The following PRKCI variants were observed in gnomAD, a reference collection of about 807,000 sequenced individuals.
PRKCI encodes the protein protein kinase C iota.
PRKCI carries 43 observed loss-of-function variants against 84.0 expected under a neutral mutation model. The ratio of observed to expected loss-of-function variants is 0.51; its 90% CI spans 0.40 to 0.66. The LOEUF is 0.66. Among genes scored for constraint, PRKCI ranks in the 30% least tolerant of loss-of-function variants. The probability of loss-of-function intolerance (pLI) is 0.00; values close to 1 mark genes in which losing one functional copy is unlikely to be tolerated. For synonymous variants in PRKCI, 216 were observed against 234.4 expected (o/e 0.92, Z 0.72); for missense variants, 459 against 745.6 (o/e 0.62, Z 4.48).
At chr3:170,259,898 T>G in intron 2 of PRKCI, 71 bp from the exon 3 acceptor site, 29 of 785,440 alleles carry the variant, frequency 3.7e-5, no homozygotes, top group Non-Finnish European at 5.6e-5. Flanking sequence ...ATTTACATTA[T>G]GAAATTTGTT....
rs1056361538 is a variant in PRKCI at position 170,305,860 on chromosome 3, A to T, written c.*2733A>T. On this transcript the variant is annotated 3_prime_UTR_variant, in exon 18 of 18. Coordinates refer to ENST00000295797, the MANE Select transcript of PRKCI (RefSeq NM_002740.6). Reference sequence around the variant, plus strand: ...TGTTCAGTGCCGGTACATTTACTTAAATCTGTTTTTATTTTTGTCATGTAG... The same window carrying T: ...TGTTCAGTGCCGGTACATTTACTTATATCTGTTTTTATTTTTGTCATGTAG... 2.6e-5 allele frequency: 4 copies of T among 151,410 alleles called. No homozygotes were observed. The highest frequency in any genetic ancestry group is 9.7e-5 in the African/African-American group (4 of 41,242). 9.4% of individuals were successfully genotyped at this position (151,410 alleles called of 1,614,324 possible).
chr3:170,255,339 T>C (rs1034962176), intron 2 of PRKCI, among the ~76,000 whole-genome samples: 2 of 152,058 alleles, frequency 1.3e-5, no homozygotes, highest in Non-Finnish European at 2.9e-5. Context: ...GGATTACAGG[T>C]GTGAGCCACC....
Position 170,222,508 on chromosome 3 carries a change from T to C in PRKCI, c.-162T>C. The C allele has an allele frequency of 1.7e-6, 1 of 577,458 alleles. No homozygotes were observed. Among genetic ancestry groups the C allele is most frequent in the South Asian group, 3.3e-5 (1 of 30,584 alleles). The allele number at this position is 577,458 out of a possible 1,614,324, so 35.8% of individuals were successfully genotyped here. On this transcript the variant is annotated 5_prime_UTR_variant, in exon 1 of 18. Transcript: ENST00000295797. ...GGAGGAGCCGCGCGGTTCCGGCTGCTCCGGCGAGGCGACCCTTGGGTCGGC... is the reference window on the plus strand; with the variant it reads ...GGAGGAGCCGCGCGGTTCCGGCTGCCCCGGCGAGGCGACCCTTGGGTCGGC...
intron 2 of PRKCI, chr3:170,244,826 C>T (rs1376803805): frequency 1.3e-5 from 2 of 152,294 alleles, no homozygotes; most frequent in Admixed American, 1.3e-4. Flanking sequence ...TGATCACAGC[C>T]AGTTACAGAT....
intron 13 of PRKCI, among the ~76,000 whole-genome samples, chr3:170,292,823 C>G (rs796444014): frequency 2.0e-5 from 3 of 151,744 alleles, no homozygotes; most frequent in Non-Finnish European, 4.4e-5. Context: ...AGGCGGATCA[C>G]GAGGTCAGGA....
intron 2 of PRKCI, among the ~76,000 whole-genome samples, chr3:170,252,214 A>AC (rs1312625497): frequency 1.3e-5 from 1 of 79,286 alleles, no homozygotes; most frequent in Non-Finnish European, 2.4e-5. Flanking sequence ...ACTCCGTCTC[A>AC]AAAAAAAAAA....
At chr3:170,248,006 A>G (rs1427631670) in intron 2 of PRKCI, among the ~76,000 whole-genome samples, 1 of 152,154 alleles carries the variant, frequency 6.6e-6, no homozygotes, top group Non-Finnish European at 1.5e-5. Context: ...TTCTGACTGC[A>G]TATCCAGAGG....
chr3:170,298,821 G>A (rs751853280), intron 16 of PRKCI, among the ~76,000 whole-genome samples, 174 bp from the exon 17 acceptor site: 8 of 152,224 alleles, frequency 5.3e-5, no homozygotes, highest in African/African-American at 7.2e-5. Context: ...GATTACAGGC[G>A]TGAGCCGCCA....
chr3:170,271,041 G>GGA (rs1733992059), intron 6 of PRKCI, among the ~76,000 whole-genome samples: 1 of 151,454 alleles, frequency 6.6e-6, no homozygotes, highest in African/African-American at 2.4e-5. Flanking sequence ...GTTTGTTATC[G>GGA]AAAAAAATAC....
At chr3:170,274,008 A>G (rs770110963) in intron 7 of PRKCI, among the ~76,000 whole-genome samples, 3 of 151,944 alleles carry the variant, frequency 2.0e-5, no homozygotes, top group East Asian at 1.9e-4. Context: ...ACAAATGACT[A>G]TTTTTTCTAG....
At chr3:170,226,037 C>T (rs1006756490) in intron 1 of PRKCI, among the ~76,000 whole-genome samples, 3 of 151,962 alleles carry the variant, frequency 2.0e-5, no homozygotes, top group Non-Finnish European at 4.4e-5. Context: ...GGCTGCCTCC[C>T]GAGTAGGTGG....
At chr3:170,242,367 G>T (rs895194348) in intron 2 of PRKCI, among the ~76,000 whole-genome samples, 19 of 151,724 alleles carry the variant, frequency 1.3e-4, no homozygotes, top group African/African-American at 4.4e-4. Context: ...GCTTAGCCCA[G>T]GAGGTTGAGG....
At chr3:170,259,386 C>G (rs544445477) in intron 2 of PRKCI, among the ~76,000 whole-genome samples, 9 of 152,098 alleles carry the variant, frequency 5.9e-5, no homozygotes, top group African/African-American at 1.7e-4. Flanking sequence ...AAAAGAAAAC[C>G]AAAGAACAAA....
rs1734877469 is a variant in PRKCI at position 170,303,593 on chromosome 3, T to C, written c.*466T>C. On this transcript the variant is annotated 3_prime_UTR_variant, in exon 18 of 18. Transcript: ENST00000295797. The stretch of plus-strand genomic sequence containing the variant: ...ATTACCTATTAGTTTTGGAGTTCTT[T>C]ATGTTTAAAAATTCAGGTGTAAATT... The C allele has an allele frequency of 8.8e-6, 2 of 227,124 alleles. No homozygotes were observed. The highest frequency in any genetic ancestry group is 1.3e-4 in the East Asian group (2 of 15,610). The allele number at this position is 227,124 out of a possible 1,614,324, so 14.1% of individuals were successfully genotyped here.
intron 2 of PRKCI, among the ~76,000 whole-genome samples, chr3:170,250,272 GAAAAA>G (rs35474071): frequency 9.6e-6 from 1 of 104,572 alleles, no homozygotes; most frequent in Non-Finnish European, 2.0e-5. Flanking sequence ...GACTTGGTCT[GAAAAA>G]AAAAAAAAGC....
intron 17 of PRKCI, among the ~76,000 whole-genome samples, chr3:170,302,456 T>C (rs1451177477): frequency 6.6e-6 from 1 of 152,168 alleles, no homozygotes; most frequent in African/African-American, 2.4e-5. Flanking sequence ...TTGTGCTTCT[T>C]AGTATGGCAT....
chr3:170,222,626 C>T lies in PRKCI; in HGVS notation c.-44C>T. The stretch of plus-strand genomic sequence containing the variant: ...GTCCCCCACGGCGCCCGAAGCGCCC[C>T]CCCGCACCCCCGGCCTCCAGCGTTG... On this transcript the variant is annotated 5_prime_UTR_variant, in exon 1 of 18. Coordinates refer to ENST00000295797, the MANE Select transcript of PRKCI (RefSeq NM_002740.6). 3 of 1,498,008 alleles carry T rather than the reference C, an allele frequency of 2.0e-6. No individual in the cohort carries two copies. Among genetic ancestry groups the T allele is most frequent in the Non-Finnish European group, 2.7e-6 (3 of 1,117,260 alleles). 92.8% of individuals were successfully genotyped at this position (1,498,008 alleles called of 1,614,324 possible).
chr3:170,285,934 T>A lies in PRKCI; in HGVS notation c.1203+1338T>A, dbSNP rs975381587. Reference sequence around the variant, plus strand: ...AATTTTAATTTTTTTTTTTTTTTTTTAATTTTTGAGACAGAGTTTTGCTCT... The same window carrying A: ...AATTTTAATTTTTTTTTTTTTTTTTAAATTTTTGAGACAGAGTTTTGCTCT... On this transcript the variant is annotated intron_variant, in intron 12 of 17. Coordinates refer to ENST00000295797, the MANE Select transcript of PRKCI (RefSeq NM_002740.6). Among the ~76,000 whole-genome samples, 6 of 149,808 alleles carry A rather than the reference T, an allele frequency of 4.0e-5. No individual in the cohort carries two copies. In the South Asian group the frequency reaches 6.3e-4, roughly 16 times the overall value.
intron 2 of PRKCI, among the ~76,000 whole-genome samples, chr3:170,259,641 T>A (rs928807953): frequency 2.0e-5 from 3 of 152,068 alleles, no homozygotes; most frequent in African/African-American, 7.2e-5. Flanking sequence ...AAACCCTGTC[T>A]CTACTAATAC....
Sources: allele counts gnomAD v4.1 joint callset (sites outside exome capture counted in the v4.1 genomes callset), GRCh38; gene constraint gnomAD v4.1.1; transcripts MANE v1.5; gene names NCBI Gene and HGNC (gene_info 2026-07-23, HGNC 2026-07-21).